Variants in NT5DC4 observed in about 807,000 individuals in gnomAD.
NT5DC4 encodes 5'-nucleotidase domain-containing protein 4.
NT5DC4 carries 44 observed loss-of-function variants against 26.6 expected under a neutral mutation model. The observed-to-expected ratio is 1.65, with a 90% CI of 1.30 to 2.13. The LOEUF (loss-of-function observed/expected upper bound fraction) is 2.13. Ranked by LOEUF, NT5DC4 falls within the 30% of genes most tolerant of loss-of-function variation. The probability of loss-of-function intolerance (pLI) is 0.00; values close to 1 mark genes in which losing one functional copy is unlikely to be tolerated. For missense variants in NT5DC4, 399 were observed against 228.1 expected (o/e 1.75, Z -4.83); for synonymous variants, 157 against 86.7 (o/e 1.81, Z -4.51).
chr2:112,727,444 G>T (rs1312499799), intron 15 of NT5DC4, among the ~76,000 whole-genome samples: 1 of 152,188 alleles, frequency 6.6e-6, no homozygotes, highest in African/African-American at 2.4e-5. Flanking sequence ...GGTGGGGCCT[G>T]CCAGGATAGT....
chr2:112,719,517 G>C (rs1574216895), upstream of NT5DC4, among the ~76,000 whole-genome samples: 2 of 114,268 alleles, frequency 1.8e-5, no homozygotes, highest in East Asian at 5.1e-4. Context: ...ACGGAGTCTT[G>C]CTGTGTTGCC....
chr2:112,741,948 T>G (rs2104858910), downstream of NT5DC4, among the ~76,000 whole-genome samples: 1 of 147,182 alleles, frequency 6.8e-6, no homozygotes, highest in Non-Finnish European at 1.5e-5. Context: ...CTGTTTTTTT[T>G]TTTTTTTTTT....
chr2:112,734,245 A>C (rs1282067295), intron 16 of NT5DC4, among the ~76,000 whole-genome samples: 1 of 150,598 alleles, frequency 6.6e-6, no homozygotes. Context: ...AGGAAACCTA[A>C]TGAAACTGGT....
At chr2:112,742,309 T>C (rs1680030741), downstream of NT5DC4, 1 of 704,490 alleles carries the variant, frequency 1.4e-6, no homozygotes, top group Admixed American at 2.0e-5. Flanking sequence ...AAGAGATTCC[T>C]GAGATAGCTA....
chr2:112,725,580 G>A, intron 13 of NT5DC4, 28 bp downstream of exon 13: 1 of 672,598 alleles, frequency 1.5e-6, no homozygotes, highest in Non-Finnish European at 2.8e-6. Flanking sequence ...GGAACAGTCA[G>A]AGGGGCACTG....
intron 16 of NT5DC4, among the ~76,000 whole-genome samples, chr2:112,735,330 C>A (rs1039889959): frequency 6.6e-6 from 1 of 152,166 alleles, no homozygotes; most frequent in Non-Finnish European, 1.5e-5. Flanking sequence ...AGGCATGAGC[C>A]ACCATGCCCA....
downstream of NT5DC4, chr2:112,740,912 T>C (rs940241253): frequency 1.8e-5 from 29 of 1,613,958 alleles, no homozygotes; most frequent in African/African-American, 5.3e-5. Context: ...TCCCTCTCTT[T>C]TGGAGAAAGA....
chr2:112,738,710 C>T (rs1679575412), intron 16 of NT5DC4: 7 of 678,506 alleles, frequency 1.0e-5, no homozygotes, highest in Non-Finnish European at 1.8e-5. Context: ...AAGTCCTGAG[C>T]GTCCATAATC....
In NT5DC4 at chr2:112,725,235, C is replaced by G. The variant is rs1053240005; in HGVS notation, c.977C>G (p.Ser326Cys). 4.2e-6 allele frequency: 3 copies of G among 711,314 alleles called. No individual in the cohort carries two copies. The highest frequency in any genetic ancestry group is 1.5e-5 in the South Asian group (1 of 67,488). The allele number at this position is 711,314 out of a possible 1,614,324, so 44.1% of individuals were successfully genotyped here. A position where few individuals can be genotyped will look rare whatever the true frequency, so the allele number is the denominator to read the frequency against. ...TGPHQHCAVY[S>C]GGSSDMVCEL... ...CCCCACCAGCACTGTGCTGTCTACT[C>G]TGGAGGTACCAGCTCCCACCATGCC... The change falls in exon 12 of 17, where the codon TCT (serine) becomes TGT (cysteine). Residue 326 changes from serine to cysteine, a missense_variant. Physicochemically the swap from Ser to Cys is moderately radical, Grantham distance 112. Transcript: ENST00000688554.
chr2:112,724,670 C>T, intron 10 of NT5DC4, 111 bp from the exon 11 acceptor site: 1 of 664,274 alleles, frequency 1.5e-6, no homozygotes, highest in Non-Finnish European at 2.8e-6. Flanking sequence ...CTGAAGAGGT[C>T]TCATCCAGCT....
intron 13 of NT5DC4, 150 bp from the exon 14 acceptor site, chr2:112,726,088 G>A: frequency 1.6e-6 from 1 of 644,712 alleles, no homozygotes; most frequent in Admixed American, 2.4e-5. Context: ...AGTCTGGGCA[G>A]AGTCTCACGT....
chr2:112,723,607 G>A (rs1274366570), intron 8 of NT5DC4, 112 bp from the exon 9 acceptor site: 2 of 683,294 alleles, frequency 2.9e-6, no homozygotes, highest in Middle Eastern at 2.5e-4. Flanking sequence ...ATGGGGCCTG[G>A]TGCCTACCTG....
At position 112,721,989 on chromosome 2, in the gene NT5DC4, A is replaced by T. The variant is rs1271829484; in HGVS notation, c.152A>T (p.Tyr51Phe). 1.7e-5 allele frequency: 12 copies of T among 717,152 alleles called. No individual in the cohort carries two copies. 44.4% of individuals were successfully genotyped at this position (717,152 alleles called of 1,614,324 possible). A position where few individuals can be genotyped will look rare whatever the true frequency, so the allele number is the denominator to read the frequency against. The change falls in exon 3 of 17, where the codon TAC (tyrosine) becomes TTC (phenylalanine). Residue 51 changes from tyrosine (Y) to phenylalanine (F), a missense_variant. Transcript: ENST00000688554. ...GATTCTGTCCGGGCCTCTGCAGCCT[A>T]CAAGTCCCCAGCTTATGAGGCCCTG... ...GFDMDYTLAA[Y>F]KSPAYEALTF... is the part of the protein sequence containing the mutation.
At chr2:112,723,209 C>A in intron 7 of NT5DC4, 35 bp downstream of exon 7, 1 of 717,262 alleles carries the variant, frequency 1.4e-6, no homozygotes, top group Non-Finnish European at 2.6e-6. Context: ...GGACCCCTGA[C>A]CTGTCTGCTC....
chr2:112,728,237 C>G (rs184361304), intron 15 of NT5DC4, among the ~76,000 whole-genome samples: 3 of 152,340 alleles, frequency 2.0e-5, no homozygotes, highest in Non-Finnish European at 4.4e-5. Context: ...TGAGACCACA[C>G]TATCTCGTCA....
intron 13 of NT5DC4, 101 bp from the exon 14 acceptor site, chr2:112,726,137 G>A: frequency 1.4e-6 from 1 of 702,184 alleles, no homozygotes; most frequent in Non-Finnish European, 2.6e-6. Flanking sequence ...ACAGCTCAGG[G>A]TGTGCAAGTC....
intron 16 of NT5DC4, among the ~76,000 whole-genome samples, chr2:112,729,959 A>G (rs1305579421): frequency 6.6e-6 from 1 of 152,146 alleles, no homozygotes; most frequent in Non-Finnish European, 1.5e-5. Flanking sequence ...AGAGATGATA[A>G]TTGTATCGAT....
At chr2:112,734,169 A>ATATATGTGTATGTGTG (rs150412692) in intron 16 of NT5DC4, among the ~76,000 whole-genome samples, 2 of 134,786 alleles carry the variant, frequency 1.5e-5, no homozygotes, top group Non-Finnish European at 3.1e-5. Flanking sequence ...TATTATATAT[A>ATATATGTGTATGTGTG]TGTGTGTGTG....
Position 112,726,240 on chromosome 2 carries a change from C to G in NT5DC4, c.1156C>G (p.Arg386Gly). ...ELDIWAQEKE[R>G]LEELKRLDTH... ...ACTGACCCCTGGTGGCTTTTCAGAG[C>G]GGTTGGAGGAGCTGAAGAGACTGGA... Residue 386 changes from arginine (R) to glycine (G), a missense_variant and splice_region_variant, in exon 14 of 17, where the codon CGG becomes GGG. Transcript: ENST00000688554. 2.8e-6 allele frequency: 2 copies of G among 716,550 alleles called. No homozygotes were observed. Among genetic ancestry groups the G allele is most frequent in the South Asian group, 3.0e-5 (2 of 67,562 alleles). The allele number at this position is 716,550 out of a possible 1,614,324, so 44.4% of individuals were successfully genotyped here.
Sources: allele counts gnomAD v4.1 joint callset (sites outside exome capture counted in the v4.1 genomes callset), GRCh38; gene constraint gnomAD v4.1.1; transcripts MANE v1.5; gene names NCBI Gene and HGNC (gene_info 2026-07-23, HGNC 2026-07-21).